The following HPSE2 variants were observed in gnomAD, a reference collection of about 807,000 sequenced individuals.
HPSE2 encodes inactive heparanase-2.
HPSE2 carries 38 observed loss-of-function variants against 60.5 expected under a neutral mutation model. The ratio of observed to expected loss-of-function variants is 0.63; its 90% confidence interval spans 0.48 to 0.82. The LOEUF (loss-of-function observed/expected upper bound fraction) is 0.82, where lower values mean the gene tolerates loss of function less well. Ranked by LOEUF, HPSE2 falls within the 40% of genes least tolerant of loss-of-function variation. The pLI, the probability that HPSE2 is intolerant of heterozygous loss-of-function variation, is 0.00. For synonymous variants in HPSE2, 295 were observed against 293.2 expected, an observed-to-expected ratio of 1.01 and a Z score of -0.06; for missense variants, 713 against 740.4, an observed-to-expected ratio of 0.96 and a Z score of 0.43.
intron 4 of HPSE2, among the ~76,000 whole-genome samples, chr10:98,734,088 A>T (rs564268357): frequency 4.9e-4 from 75 of 152,294 alleles, no homozygotes; most frequent in African/African-American, 1.6e-3. Flanking sequence ...TGGACATTTC[A>T]TATAAGGGGA....
chr10:98,883,740 C>T (rs1564631706), intron 3 of HPSE2, among the ~76,000 whole-genome samples: 1 of 152,028 alleles, frequency 6.6e-6, no homozygotes, highest in East Asian at 1.9e-4. Context: ...GGAGTTCAAG[C>T]CTGTAGTGAA....
chr10:99,040,272 G>A (rs934662701), intron 3 of HPSE2, among the ~76,000 whole-genome samples: 14 of 151,828 alleles, frequency 9.2e-5, no homozygotes, highest in African/African-American at 2.9e-4. Flanking sequence ...TTACCTAATC[G>A]TTACTCTATT....
intron 3 of HPSE2, among the ~76,000 whole-genome samples, chr10:99,132,960 C>A (rs182946715): frequency 6.6e-6 from 1 of 152,186 alleles, no homozygotes; most frequent in Non-Finnish European, 1.5e-5. Flanking sequence ...GTCCCACCCC[C>A]ACAGAGCCCA....
intron 4 of HPSE2, among the ~76,000 whole-genome samples, chr10:98,733,206 G>C (rs1949271046): frequency 1.3e-5 from 2 of 152,060 alleles, no homozygotes; most frequent in Admixed American, 6.6e-5. Flanking sequence ...CTGCAACCTT[G>C]AGTTCCTGGG....
At chr10:98,755,944 C>T (rs1419557878) in intron 3 of HPSE2, among the ~76,000 whole-genome samples, 2 of 151,962 alleles carry the variant, frequency 1.3e-5, no homozygotes, top group Non-Finnish European at 2.9e-5. Context: ...TGCAGTGAGC[C>T]GAGATGGTGC....
intron 3 of HPSE2, among the ~76,000 whole-genome samples, chr10:99,086,453 C>T (rs1589633078): frequency 6.9e-6 from 1 of 145,476 alleles, no homozygotes; most frequent in Non-Finnish European, 1.5e-5. Flanking sequence ...CCCGGGTTCA[C>T]GCCATTCTCC....
chr10:99,079,895 C>T, intron 3 of HPSE2, among the ~76,000 whole-genome samples: 1 of 152,086 alleles, frequency 6.6e-6, no homozygotes, highest in Non-Finnish European at 1.5e-5. Flanking sequence ...CAGAAGTCCC[C>T]AAAAAAGTTG....
At chr10:98,905,318 A>T (rs1415847696) in intron 3 of HPSE2, among the ~76,000 whole-genome samples, 1 of 81,862 alleles carries the variant, frequency 1.2e-5, no homozygotes. Flanking sequence ...CCCTCCCCCG[A>T]CCCCACCACA....
chr10:99,185,874 T>G (rs1024551203), intron 2 of HPSE2, among the ~76,000 whole-genome samples: 3 of 150,738 alleles, frequency 2.0e-5, no homozygotes, highest in Admixed American at 6.6e-5. Context: ...AGAAGATAGA[T>G]CAATAGAAAT....
rs780002457 is a variant in HPSE2, at chr10:99,128,689, G to A, written c.610+15549C>T. ...ATACTGGGGCCTGCTGGGGGATGTG[G>A]CAAGGGGAAGAAAAGCATTAGGAAA... is the stretch of plus-strand genomic sequence containing the variant. On this transcript the variant is annotated intron_variant, in intron 3 of 11. Coordinates refer to ENST00000370552, the MANE Select transcript of HPSE2 (RefSeq NM_021828.5). Among the ~76,000 whole-genome samples the A allele has an allele frequency of 4.6e-5, 7 of 152,110 alleles. No homozygotes were observed. The South Asian group carries it at 1.5e-3, about 32-fold the overall frequency.
chr10:99,306,013 A>ACACACACACACACACC, the HPSE2 span, among the ~76,000 whole-genome samples: 1 of 148,964 alleles, frequency 6.7e-6, no homozygotes, highest in Admixed American at 6.7e-5. Context: ...ACACACACAC[A>ACACACACACACACACC]CCAGACTGCT....
chr10:99,283,233 C>A, the HPSE2 span, among the ~76,000 whole-genome samples: 1 of 138,960 alleles, frequency 7.2e-6, no homozygotes, highest in Admixed American at 7.5e-5. Flanking sequence ...GATTTCAAAT[C>A]AATAACCTAA....
the HPSE2 span, among the ~76,000 whole-genome samples, chr10:99,260,274 A>G: frequency 6.6e-6 from 1 of 151,060 alleles, no homozygotes; most frequent in African/African-American, 2.4e-5. Flanking sequence ...TGAAATATAC[A>G]GCCTTGTTGC....
chr10:99,011,951 A>G (rs1207827011), intron 3 of HPSE2, among the ~76,000 whole-genome samples: 1 of 152,022 alleles, frequency 6.6e-6, no homozygotes, highest in Non-Finnish European at 1.5e-5. Flanking sequence ...ACATAAATAA[A>G]AAATCTCACA....
At chr10:99,170,493 C>G (rs1312962980) in intron 2 of HPSE2, among the ~76,000 whole-genome samples, 11 of 152,148 alleles carry the variant, frequency 7.2e-5, no homozygotes, top group African/African-American at 2.7e-4. Context: ...CCAGCAGCAG[C>G]CACAACAAAT....
chr10:98,592,889 T>C (rs751332710), intron 9 of HPSE2, among the ~76,000 whole-genome samples: 1 of 152,354 alleles, frequency 6.6e-6, no homozygotes. Flanking sequence ...ATAGTTGATA[T>C]ATAACTGCCT....
chr10:98,478,221 T>A (rs1043854855), intron 11 of HPSE2, among the ~76,000 whole-genome samples: 1 of 151,830 alleles, frequency 6.6e-6, no homozygotes, highest in Non-Finnish European at 1.5e-5. Context: ...CTGAGAAAGG[T>A]GAGAAACCAG....
intron 9 of HPSE2, among the ~76,000 whole-genome samples, chr10:98,557,560 G>A (rs181992566): frequency 7.2e-5 from 11 of 152,244 alleles, no homozygotes; most frequent in Admixed American, 5.2e-4. Context: ...AGTGGAGTAC[G>A]CAAATATTTA....
intron 3 of HPSE2, among the ~76,000 whole-genome samples, chr10:98,916,964 A>G (rs544054517): frequency 2.0e-5 from 3 of 152,252 alleles, no homozygotes; most frequent in East Asian, 3.9e-4. Context: ...TGAGGCTGCT[A>G]TTGGTCTGAC....
Sources: gnomAD v4.1 joint callset for allele counts (sites outside exome capture counted in the v4.1 genomes callset) on GRCh38, gnomAD v4.1.1 for gene constraint, MANE v1.5 for transcripts, NCBI Gene and HGNC (gene_info 2026-07-23, HGNC 2026-07-21) for gene names.